Variants in HS3ST2 observed in about 807,000 individuals in gnomAD.
HS3ST2 encodes the protein heparan sulfate-glucosamine 3-sulfotransferase 2.
In HS3ST2, 17 loss-of-function variants were observed where a neutral mutation model predicts 26.3. The observed-to-expected ratio is 0.65, with a 90% CI of 0.44 to 0.97. The LOEUF (loss-of-function observed/expected upper bound fraction) is 0.97. Among genes scored for constraint, HS3ST2 ranks in the 50% least tolerant of loss-of-function variants. The probability of loss-of-function intolerance (pLI) is 0.00; values close to 1 mark genes in which losing one functional copy is unlikely to be tolerated. For synonymous variants in HS3ST2, 237 were observed against 219.2 expected, an observed-to-expected ratio of 1.08 and a Z score of -0.72; for missense variants, 402 against 501.2, an observed-to-expected ratio of 0.80 and a Z score of 1.89.
intron 1 of HS3ST2, among the ~76,000 whole-genome samples, chr16:22,882,402 C>G (rs1034860759): frequency 6.6e-6 from 1 of 152,042 alleles, no homozygotes. Flanking sequence ...TCCAAGAGAA[C>G]CTTGGAGATC....
At chr16:22,890,872 AAGTT>A (rs1321299562) in intron 1 of HS3ST2, among the ~76,000 whole-genome samples, 3 of 152,160 alleles carry the variant, frequency 2.0e-5, no homozygotes, top group Admixed American at 6.5e-5. Flanking sequence ...GATTAAGTAA[AAGTT>A]AGCCTTAACC....
At chr16:22,824,798 C>T (rs994020087) in intron 1 of HS3ST2, among the ~76,000 whole-genome samples, 1 of 152,148 alleles carries the variant, frequency 6.6e-6, no homozygotes, top group African/African-American at 2.4e-5. Flanking sequence ...CCAAGCTTGC[C>T]TTTAATAGGG....
intron 1 of HS3ST2, among the ~76,000 whole-genome samples, chr16:22,882,520 G>T (rs1341768292): frequency 6.6e-6 from 1 of 151,988 alleles, no homozygotes; most frequent in African/African-American, 2.4e-5. Flanking sequence ...GATCACTTGA[G>T]GTCAGGAGTT....
chr16:22,870,985 G>T (rs1901828667), intron 1 of HS3ST2, among the ~76,000 whole-genome samples: 1 of 152,184 alleles, frequency 6.6e-6, no homozygotes, highest in Non-Finnish European at 1.5e-5. Context: ...ACTTCAACTA[G>T]TCATGCAGGC....
At chr16:22,834,478 A>C (rs772344406) in intron 1 of HS3ST2, among the ~76,000 whole-genome samples, 21 of 152,152 alleles carry the variant, frequency 1.4e-4, no homozygotes, top group Non-Finnish European at 2.1e-4. Flanking sequence ...GCTCAGAATT[A>C]TTTTAAATAG....
intron 1 of HS3ST2, among the ~76,000 whole-genome samples, chr16:22,891,701 A>T (rs78621285): frequency 0.1 from 15,633 of 152,214 alleles, 965 homozygotes; most frequent in African/African-American, 0.17. Flanking sequence ...TATGTCTCGC[A>T]ATAAAAAATG....
At chr16:22,843,665 T>C (rs1185922509) in intron 1 of HS3ST2, among the ~76,000 whole-genome samples, 1 of 152,072 alleles carries the variant, frequency 6.6e-6, no homozygotes, top group Non-Finnish European at 1.5e-5. Context: ...GCGGGGTGCA[T>C]CACCCCCACC....
chr16:22,888,373 C>CTTTTCTTTTTT (rs1902088836), intron 1 of HS3ST2, among the ~76,000 whole-genome samples: 2 of 61,306 alleles, frequency 3.3e-5, no homozygotes, highest in African/African-American at 1.3e-4. Context: ...TCTGGCTTTT[C>CTTTTCTTTTTT]TTTTTTTTTT....
At chr16:22,827,415 TG>T (rs1229825512) in intron 1 of HS3ST2, among the ~76,000 whole-genome samples, 3 of 152,158 alleles carry the variant, frequency 2.0e-5, no homozygotes, top group Non-Finnish European at 2.9e-5. Context: ...AAGGATTTCT[TG>T]GGCTGTTATG....
chr16:22,902,336 A>G (rs899406543), intron 1 of HS3ST2, among the ~76,000 whole-genome samples: 2 of 152,238 alleles, frequency 1.3e-5, no homozygotes, highest in Admixed American at 6.5e-5. Flanking sequence ...GCTAGCTGCT[A>G]TAACAAACAA....
chr16:22,847,118 A>G (rs1158267934), intron 1 of HS3ST2, among the ~76,000 whole-genome samples: 3 of 151,974 alleles, frequency 2.0e-5, no homozygotes, highest in Non-Finnish European at 4.4e-5. Flanking sequence ...TTTCTTTCTG[A>G]TCCTTGCCCT....
chr16:22,895,580 CG>C (rs1373530872), intron 1 of HS3ST2, among the ~76,000 whole-genome samples: 1 of 151,938 alleles, frequency 6.6e-6, no homozygotes, highest in Non-Finnish European at 1.5e-5. Flanking sequence ...CTGGGGTGGT[CG>C]TATGAACACA....
At chr16:22,826,440 C>A (rs1901087835) in intron 1 of HS3ST2, among the ~76,000 whole-genome samples, 1 of 152,180 alleles carries the variant, frequency 6.6e-6, no homozygotes, top group Non-Finnish European at 1.5e-5. Context: ...GCTGGCTCAC[C>A]TCCTCACCAC....
intron 1 of HS3ST2, among the ~76,000 whole-genome samples, chr16:22,905,348 C>T (rs1902337495): frequency 6.6e-6 from 1 of 151,956 alleles, no homozygotes; most frequent in African/African-American, 2.4e-5. Context: ...CACTGCGTAG[C>T]CCAGTGTGGG....
At position 22,915,786 on chromosome 16, in the gene HS3ST2, G is replaced by A; in HGVS notation, c.*224G>A. The stretch of plus-strand genomic sequence containing the variant: ...TTCAAGCAAAGTTGATCTGCTCCTG[G>A]CACGTCCAGTAAATTCCAGAATCAT... On this transcript the variant is annotated 3_prime_UTR_variant, in exon 2 of 2. Transcript: ENST00000261374. The A allele has an allele frequency of 3.6e-6, 2 of 556,422 alleles. No homozygotes were observed. Among genetic ancestry groups the A allele is most frequent in the Non-Finnish European group, 6.3e-6 (2 of 315,196 alleles). The allele number at this position is 556,422 out of a possible 1,614,324, so 34.5% of individuals were successfully genotyped here. A position where few individuals can be genotyped will look rare whatever the true frequency, so the allele number is the denominator to read the frequency against.
intron 1 of HS3ST2, among the ~76,000 whole-genome samples, chr16:22,912,666 A>C (rs888023797): frequency 6.6e-6 from 1 of 151,920 alleles, no homozygotes; most frequent in Non-Finnish European, 1.5e-5. Context: ...AGCAGCTCGG[A>C]GGCAGCTCTG....
At chr16:22,868,527 G>A (rs1321205419) in intron 1 of HS3ST2, among the ~76,000 whole-genome samples, 4 of 151,444 alleles carry the variant, frequency 2.6e-5, no homozygotes, top group East Asian at 1.9e-4. Flanking sequence ...CTTATTCGAC[G>A]TGTTATTTCC....
chr16:22,818,482 C>T (rs977401449), intron 1 of HS3ST2, among the ~76,000 whole-genome samples: 3 of 152,196 alleles, frequency 2.0e-5, no homozygotes, highest in Non-Finnish European at 2.9e-5. Context: ...ATTACTACAA[C>T]ACTCCTGTTA....
chr16:22,853,299 T>C (rs927313174), intron 1 of HS3ST2, among the ~76,000 whole-genome samples: 3 of 152,212 alleles, frequency 2.0e-5, no homozygotes, highest in African/African-American at 7.2e-5. Flanking sequence ...CAGTGCATCT[T>C]ACAAGATATG....
Sources: allele counts gnomAD v4.1 joint callset (sites outside exome capture counted in the v4.1 genomes callset), GRCh38; gene constraint gnomAD v4.1.1; transcripts MANE v1.5; gene names NCBI Gene and HGNC (gene_info 2026-07-23, HGNC 2026-07-21).